ARID4B: variants seen among roughly 807,000 people sequenced by gnomAD.
ARID4B encodes the protein AT-rich interactive domain-containing protein 4B.
In ARID4B, 26 loss-of-function variants were observed where a neutral mutation model predicts 147.5. That is an observed-to-expected ratio of 0.18 (90% CI 0.13 to 0.24). The LOEUF (loss-of-function observed/expected upper bound fraction) is 0.24, where lower values mean the gene tolerates loss of function less well. Among genes scored for constraint, ARID4B ranks in the 10% least tolerant of loss-of-function variants. The pLI, the probability that ARID4B is intolerant of heterozygous loss-of-function variation, is 1.00. For synonymous variants in ARID4B, 512 were observed against 507.9 expected (o/e 1.01, Z -0.11); for missense variants, 1,179 against 1,511.5 (o/e 0.78, Z 3.65).
At chr1:235,173,756 AAAAAAAAAAAAAAAAATATATATATATAT>A (rs1156468938) in intron 22 of ARID4B, among the ~76,000 whole-genome samples, 1 of 44,686 alleles carries the variant, frequency 2.2e-5, no homozygotes, top group African/African-American at 1.4e-4. Context: ...AAAAAAAAAA[AAAAAAAAAAAAAAAAATATATATATATAT>A]ATATATATAT....
chr1:235,213,712 A>C (rs1666856659), intron 17 of ARID4B, 57 bp downstream of exon 17: 3 of 1,517,746 alleles, frequency 2.0e-6, no homozygotes, highest in Non-Finnish European at 2.7e-6. Flanking sequence ...GTTTTTAAAT[A>C]GAAAAGTATT....
chr1:235,260,418 A>C (rs1462629062), intron 3 of ARID4B, among the ~76,000 whole-genome samples: 1 of 152,226 alleles, frequency 6.6e-6, no homozygotes, highest in African/African-American at 2.4e-5. Flanking sequence ...ACAAACAATA[A>C]GACGTCTATA....
chr1:235,318,356 T>C (rs1452294708), intron 2 of ARID4B, among the ~76,000 whole-genome samples: 1 of 151,834 alleles, frequency 6.6e-6, no homozygotes, highest in Non-Finnish European at 1.5e-5. Context: ...TTTTATTTAG[T>C]ACAGATGGGG....
Position 235,210,053 on chromosome 1 carries a change from C to G in ARID4B, c.1841+3716G>C, listed in dbSNP as rs566588874. On this transcript the variant is annotated intron_variant, in intron 17 of 23. Coordinates refer to ENST00000264183, the MANE Select transcript of ARID4B (RefSeq NM_016374.6). Reference sequence around the variant, plus strand: ...AACCAGCTTGGGCAACATAGTGAGACCCCATCTCTACAAAAGATAAAAAAT... The same window carrying G: ...AACCAGCTTGGGCAACATAGTGAGAGCCCATCTCTACAAAAGATAAAAAAT... Among the ~76,000 whole-genome samples the G allele has an allele frequency of 2.0e-5, 3 of 152,068 alleles. No individual in the cohort carries two copies. The East Asian group carries it at 5.8e-4, about 30-fold the overall frequency.
chr1:235,216,141 C>T (rs552737533), intron 16 of ARID4B, among the ~76,000 whole-genome samples: 9 of 151,908 alleles, frequency 5.9e-5, no homozygotes, highest in South Asian at 2.1e-4. Flanking sequence ...TCCGTGTTCA[C>T]GAAAGTATCA....
Position 235,182,273 on chromosome 1 carries a change from C to T in ARID4B, c.2646G>A (p.Leu882=). ...KMTPTKKYNG[L]EEKRKSLRTT... The stretch of plus-strand genomic sequence containing the variant: ...TCCGTAGAGATTTTCTTTTTTCCTC[C>T]AAACCATTGTATTTCTTAGTTGGTG... The change falls in exon 20 of 24, where the codon TTG becomes TTA. Residue 882 remains leucine, a synonymous_variant. Transcript: ENST00000264183. 2 of 1,613,302 alleles carry T rather than the reference C, an allele frequency of 1.2e-6. No homozygotes were observed. The highest frequency in any genetic ancestry group is 1.7e-6 in the Non-Finnish European group (2 of 1,179,874).
intron 17 of ARID4B, among the ~76,000 whole-genome samples, chr1:235,212,393 A>C (rs994277925): frequency 6.6e-6 from 1 of 152,234 alleles, no homozygotes; most frequent in Non-Finnish European, 1.5e-5. Context: ...GTATTCTTAA[A>C]ATCTAAAACT....
chr1:235,230,998 T>G, intron 10 of ARID4B, 115 bp downstream of exon 10: 1 of 693,680 alleles, frequency 1.4e-6, no homozygotes, highest in South Asian at 1.9e-5. Flanking sequence ...GAACCAAATA[T>G]AACCATAAAA....
chr1:235,241,559 G>T (rs1464976137), intron 7 of ARID4B, among the ~76,000 whole-genome samples: 1 of 152,066 alleles, frequency 6.6e-6, no homozygotes, highest in Non-Finnish European at 1.5e-5. Flanking sequence ...TAGCTCTGTT[G>T]CCGGGCTGGA....
chr1:235,297,870 A>C (rs1393474161), intron 2 of ARID4B, among the ~76,000 whole-genome samples: 2 of 152,208 alleles, frequency 1.3e-5, no homozygotes, highest in Non-Finnish European at 2.9e-5. Flanking sequence ...AAGGGTGGAG[A>C]TTTAAGAGAC....
At chr1:235,296,835 A>AAGGAACGG (rs1553313951) in intron 2 of ARID4B, among the ~76,000 whole-genome samples, 1 of 19,632 alleles carries the variant, frequency 5.1e-5, no homozygotes, top group African/African-American at 1.1e-4. Context: ...GGAAGGAAGG[A>AAGGAACGG]AGGGAGGAAG....
intron 10 of ARID4B, among the ~76,000 whole-genome samples, chr1:235,230,545 C>T (rs1473917316): frequency 6.9e-6 from 1 of 143,888 alleles, no homozygotes; most frequent in African/African-American, 2.6e-5. Context: ...TAACAGCTGA[C>T]TACACAGTTC....
At chr1:235,248,014 G>A (rs905566328) in intron 6 of ARID4B, among the ~76,000 whole-genome samples, 1 of 151,982 alleles carries the variant, frequency 6.6e-6, no homozygotes, top group Non-Finnish European at 1.5e-5. Context: ...AAATTATTTG[G>A]AGGCAAAAAC....
At chr1:235,322,871 G>C (rs1177783915) in intron 2 of ARID4B, among the ~76,000 whole-genome samples, 2 of 151,702 alleles carry the variant, frequency 1.3e-5, no homozygotes, top group East Asian at 3.9e-4. Context: ...GACAAACAAA[G>C]GTAGAGGTAG....
intron 7 of ARID4B, among the ~76,000 whole-genome samples, chr1:235,240,829 T>C (rs1371934135): frequency 6.6e-6 from 1 of 152,172 alleles, no homozygotes; most frequent in East Asian, 1.9e-4. Flanking sequence ...AGTAATTCTA[T>C]ATCTCCAGTA....
At chr1:235,177,482 T>C (rs1663969655) in intron 21 of ARID4B, 2 of 172,202 alleles carry the variant, frequency 1.2e-5, no homozygotes, top group Admixed American at 1.2e-4. Flanking sequence ...TCTTTTTTCT[T>C]TTTATTATTA....
At chr1:235,224,379 C>T (rs1281653935) in intron 12 of ARID4B, among the ~76,000 whole-genome samples, 2 of 152,122 alleles carry the variant, frequency 1.3e-5, no homozygotes, top group Non-Finnish European at 2.9e-5. Context: ...GAGACTTTGT[C>T]ACACTTCTTT....
At chr1:235,183,767 C>CTTTT (rs201720999) in intron 19 of ARID4B, among the ~76,000 whole-genome samples, 94 of 110,056 alleles carry the variant, frequency 8.5e-4, no homozygotes, top group African/African-American at 3.3e-3. Context: ...CCCTTCCTTT[C>CTTTT]TCTTTCCTTT....
intron 19 of ARID4B, among the ~76,000 whole-genome samples, chr1:235,183,487 C>T (rs962038649): frequency 6.6e-6 from 1 of 152,178 alleles, no homozygotes; most frequent in South Asian, 2.1e-4. Flanking sequence ...GGATTACAGG[C>T]GTGAGCCACC....
Sources: allele counts gnomAD v4.1 joint callset (sites outside exome capture counted in the v4.1 genomes callset), GRCh38; gene constraint gnomAD v4.1.1; transcripts MANE v1.5; gene names NCBI Gene and HGNC (gene_info 2026-07-23, HGNC 2026-07-21).